The following GRID2 variants were observed in gnomAD, a reference collection of about 807,000 sequenced individuals.
GRID2 encodes glutamate ionotropic receptor delta type subunit 2, also known as glutamate receptor ionotropic, delta-2.
GRID2 carries 33 observed loss-of-function variants against 114.8 expected under a neutral mutation model. The observed-to-expected ratio is 0.29, with a 90% confidence interval of 0.22 to 0.38. GRID2 has a LOEUF of 0.38. GRID2 is among the 10% of genes least tolerant of loss of function. GRID2 has a pLI of 1.00. For missense variants in GRID2, 1,184 were observed against 1,257.7 expected (o/e 0.94, Z 0.89); for synonymous variants, 505 against 449.9 (o/e 1.12, Z -1.55).
At chr4:93,376,234 C>A (rs748165373) in intron 8 of GRID2, among the ~76,000 whole-genome samples, 1 of 139,430 alleles carries the variant, frequency 7.2e-6, no homozygotes, top group Admixed American at 6.7e-5. Context: ...GAAGTCATAC[C>A]TGAAATCAAT....
At chr4:92,985,079 G>A (rs1417826050) in intron 2 of GRID2, among the ~76,000 whole-genome samples, 1 of 152,066 alleles carries the variant, frequency 6.6e-6, no homozygotes, top group Admixed American at 6.5e-5. Flanking sequence ...TGTAACAACA[G>A]CCTGATACCT....
intron 3 of GRID2, among the ~76,000 whole-genome samples, chr4:93,103,733 A>T (rs1438831776): frequency 3.3e-5 from 5 of 152,034 alleles, no homozygotes; most frequent in African/African-American, 4.8e-5. Context: ...GAGAATTCAT[A>T]ATCTTTGATT....
At chr4:92,548,621 T>G (rs538295428) in intron 1 of GRID2, among the ~76,000 whole-genome samples, 2 of 151,826 alleles carry the variant, frequency 1.3e-5, no homozygotes, top group South Asian at 4.2e-4. Flanking sequence ...CTCGAACTCC[T>G]GACCTCAGGT....
intron 8 of GRID2, among the ~76,000 whole-genome samples, chr4:93,262,241 A>G (rs1044171876): frequency 9.2e-5 from 14 of 151,976 alleles, no homozygotes; most frequent in Non-Finnish European, 1.8e-4. Flanking sequence ...TTAGGGCAAT[A>G]AGACAAGCCA....
chr4:93,285,856 T>A (rs1753099791), intron 8 of GRID2, among the ~76,000 whole-genome samples: 1 of 152,026 alleles, frequency 6.6e-6, no homozygotes, highest in African/African-American at 2.4e-5. Context: ...ATACAATTTA[T>A]GTTGCTTGAA....
intron 11 of GRID2, among the ~76,000 whole-genome samples, chr4:93,477,845 G>C (rs939391353): frequency 1.3e-5 from 2 of 151,988 alleles, no homozygotes; most frequent in Non-Finnish European, 2.9e-5. Context: ...TTACAGAAAG[G>C]GTTTCTAAAT....
intron 8 of GRID2, among the ~76,000 whole-genome samples, chr4:93,314,851 T>G (rs1756415760): frequency 6.6e-6 from 1 of 152,106 alleles, no homozygotes; most frequent in Non-Finnish European, 1.5e-5. Flanking sequence ...ATTTTTTGTT[T>G]TTTTGGTTTT....
chr4:93,235,094 C>T (rs1420806460), intron 7 of GRID2, among the ~76,000 whole-genome samples: 1 of 151,804 alleles, frequency 6.6e-6, no homozygotes, highest in African/African-American at 2.4e-5. Context: ...GTGAATAATA[C>T]ATTTTGCCTT....
intron 1 of GRID2, among the ~76,000 whole-genome samples, chr4:92,486,090 T>C (rs756038410): frequency 1.1e-4 from 17 of 151,466 alleles, no homozygotes; most frequent in Non-Finnish European, 1.9e-4. Context: ...CTCTAAAACA[T>C]AAAGTGGCCA....
chr4:92,921,076 CT>C (rs1367730220), intron 2 of GRID2, among the ~76,000 whole-genome samples: 1 of 152,066 alleles, frequency 6.6e-6, no homozygotes, highest in Non-Finnish European at 1.5e-5. Flanking sequence ...CTAAACTTCT[CT>C]TTTAGCTTCA....
intron 8 of GRID2, among the ~76,000 whole-genome samples, chr4:93,243,077 A>G (rs1344760305): frequency 2.6e-5 from 4 of 151,976 alleles, no homozygotes; most frequent in Non-Finnish European, 5.9e-5. Flanking sequence ...TATTTATTCC[A>G]TGGTACCTTG....
chr4:93,236,324 G>A (rs1430802292), intron 7 of GRID2, among the ~76,000 whole-genome samples: 1 of 152,034 alleles, frequency 6.6e-6, no homozygotes. Flanking sequence ...GGAGAAAAAG[G>A]AGGAGACATT....
At chr4:92,765,812 T>G (rs1738232670) in intron 2 of GRID2, among the ~76,000 whole-genome samples, 1 of 152,212 alleles carries the variant, frequency 6.6e-6, no homozygotes, top group Non-Finnish European at 1.5e-5. Context: ...ATCCCCTGAT[T>G]GCTGGTATCA....
intron 14 of GRID2, among the ~76,000 whole-genome samples, chr4:93,672,083 CCTT>C (rs1171143037): frequency 1.3e-5 from 2 of 152,192 alleles, no homozygotes; most frequent in Non-Finnish European, 2.9e-5. Context: ...CCCTTTCTGA[CCTT>C]CTTTTTGCTG....
intron 14 of GRID2, among the ~76,000 whole-genome samples, chr4:93,726,716 A>G (rs570865548): frequency 0.038 from 5,687 of 151,540 alleles, 342 homozygotes; most frequent in African/African-American, 0.13. Context: ...TTGTAAGTTG[A>G]ATTCCTAGGT....
chr4:92,886,504 T>G (rs1406155751), intron 2 of GRID2, among the ~76,000 whole-genome samples: 1 of 152,152 alleles, frequency 6.6e-6, no homozygotes, highest in Admixed American at 6.5e-5. Flanking sequence ...TGCCTCTCCC[T>G]GTCTCCAAGA....
rs151096243 is a variant in GRID2, at chr4:92,553,024, A to C, written c.89-37107A>C. On this transcript the variant is annotated intron_variant, in intron 1 of 15. Coordinates refer to ENST00000282020, the MANE Select transcript of GRID2 (RefSeq NM_001510.4). ...TGGGGGCAAGCAAGAGGCAGGCTGC[A>C]ACATACCTACTTGCTTATTTCTTTG... 1.0e-3 allele frequency among the ~76,000 whole-genome samples: 155 copies of C among 152,318 alleles called. 1 individual carries two copies. Among genetic ancestry groups the C allele is most frequent in the African/African-American group, 3.5e-3 (147 of 41,584 alleles).
At chr4:93,686,962 C>T (rs1400981648) in intron 14 of GRID2, among the ~76,000 whole-genome samples, 2 of 151,916 alleles carry the variant, frequency 1.3e-5, no homozygotes, top group African/African-American at 4.8e-5. Context: ...CATGATCTGA[C>T]TGCTGCACTG....
At chr4:93,285,973 TGTAA>T (rs1753114918) in intron 8 of GRID2, among the ~76,000 whole-genome samples, 2 of 152,190 alleles carry the variant, frequency 1.3e-5, no homozygotes, top group South Asian at 2.1e-4. Context: ...TTTAATACGC[TGTAA>T]GTATCAATAA....
Sources: gnomAD v4.1 joint callset for allele counts (sites outside exome capture counted in the v4.1 genomes callset) on GRCh38, gnomAD v4.1.1 for gene constraint, MANE v1.5 for transcripts, NCBI Gene and HGNC (gene_info 2026-07-23, HGNC 2026-07-21) for gene names.